The following LAP3 variants were observed in gnomAD, a reference collection of about 807,000 sequenced individuals.
LAP3 encodes the protein cytosol aminopeptidase.
Under a neutral mutation model 58.8 loss-of-function variants are expected in LAP3, and 46 were observed. The observed-to-expected ratio is 0.78, with a 90% CI of 0.62 to 1.00. LAP3 has a LOEUF of 1.00. Among genes scored for constraint, LAP3 ranks in the 50% least tolerant of loss-of-function variants. The pLI, the probability that LAP3 is intolerant of heterozygous loss-of-function variation, is 0.00. For missense variants in LAP3, 615 were observed against 659.1 expected (o/e 0.93, Z 0.73); for synonymous variants, 257 against 237.7 (o/e 1.08, Z -0.75).
At chr4:17,590,558 A>C (rs1404009462) in intron 7 of LAP3, among the ~76,000 whole-genome samples, 1 of 152,100 alleles carries the variant, frequency 6.6e-6, no homozygotes. Context: ...TATTGTACTA[A>C]AGTGTCTATT....
rs12511844 is a variant in LAP3 at position 17,582,412 on chromosome 4, T to A, written c.379+19T>A. On this transcript the variant is annotated intron_variant, in intron 4 of 12. Transcript: ENST00000226299. Reference sequence around the variant, plus strand: ...GTTGCAGGTTATTTCACTTTTTAAGTTTAAAGAATCCTGAGGATCCACTCT... The same window carrying A: ...GTTGCAGGTTATTTCACTTTTTAAGATTAAAGAATCCTGAGGATCCACTCT... The A allele has an allele frequency of 7.7e-3, 12,258 of 1,582,884 alleles. 717 individuals are homozygous for A. In the African/African-American group the frequency reaches 0.14, roughly 18 times the overall value.
chr4:17,585,324 T>TGA, intron 6 of LAP3, 188 bp downstream of exon 6: 1 of 539,156 alleles, frequency 1.9e-6, no homozygotes. Context: ...TCCTTGCCTT[T>TGA]GAGAGAGAGA....
intron 8 of LAP3, among the ~76,000 whole-genome samples, 174 bp downstream of exon 8, chr4:17,595,708 A>AG (rs1169889241): frequency 6.6e-6 from 1 of 152,148 alleles, no homozygotes; most frequent in Non-Finnish European, 1.5e-5. Flanking sequence ...GAGCTGATTG[A>AG]GCTAAATGTA....
At chr4:17,590,340 CCT>C (rs1383759276) in intron 7 of LAP3, among the ~76,000 whole-genome samples, 5 of 152,034 alleles carry the variant, frequency 3.3e-5, no homozygotes, top group Admixed American at 3.3e-4. Flanking sequence ...GTAGGAAGCC[CCT>C]GTCATTGGCA....
chr4:17,583,693 C>A, intron 5 of LAP3, 51 bp downstream of exon 5: 1 of 1,605,808 alleles, frequency 6.2e-7, no homozygotes, highest in South Asian at 1.1e-5. Flanking sequence ...GTTCTGACAG[C>A]CTGGCTTTTG....
In LAP3 at chr4:17,581,825, AACG is replaced by A; in HGVS notation, c.273+12_273+14del. ...TATGGTCTGCATCAGGTATGAGAAG[AACG>A]TGATCATTTGGTAAACCCTCAATGA... On this transcript the variant is annotated intron_variant, in intron 3 of 12. Transcript: ENST00000226299. 6.2e-7 allele frequency: 1 copy of A among 1,610,852 alleles called. No homozygotes were observed. The highest frequency in any genetic ancestry group is 8.5e-7 in the Non-Finnish European group (1 of 1,177,184).
chr4:17,580,833 G>A (rs1713344297), intron 2 of LAP3, among the ~76,000 whole-genome samples: 1 of 152,204 alleles, frequency 6.6e-6, no homozygotes, highest in Non-Finnish European at 1.5e-5. Context: ...GTATTTGGCA[G>A]ACATGGAAGT....
intron 6 of LAP3, chr4:17,587,441 T>G (rs1034859094): frequency 2.0e-5 from 3 of 151,978 alleles, no homozygotes; most frequent in African/African-American, 7.3e-5. Context: ...TTTTTTTTTT[T>G]TTTTGAAGTG....
intron 7 of LAP3, among the ~76,000 whole-genome samples, chr4:17,593,755 G>A (rs1489632284): frequency 6.6e-6 from 1 of 151,828 alleles, no homozygotes; most frequent in Non-Finnish European, 1.5e-5. Flanking sequence ...TGGGACTACA[G>A]ATGCGAACCA....
intron 10 of LAP3, among the ~76,000 whole-genome samples, chr4:17,604,036 G>A (rs951507329): frequency 6.6e-6 from 1 of 151,744 alleles, no homozygotes; most frequent in Non-Finnish European, 1.5e-5. Flanking sequence ...GGCCAGGCTG[G>A]TCTCGAACTC....
chr4:17,607,794 G>T lies in LAP3; in HGVS notation c.*205G>T. On this transcript the variant is annotated 3_prime_UTR_variant, in exon 13 of 13. Coordinates refer to ENST00000226299, the MANE Select transcript of LAP3 (RefSeq NM_015907.3). ...TAAAGTTAATATCTTACTTGATAAGGATTTTTAAGATACTCTATAAATGAT... is the reference window on the plus strand; with the variant it reads ...TAAAGTTAATATCTTACTTGATAAGTATTTTTAAGATACTCTATAAATGAT... The T allele has an allele frequency of 2.2e-6, 1 of 449,448 alleles. No individual in the cohort carries two copies. The highest frequency in any genetic ancestry group is 3.9e-5 in the Admixed American group (1 of 25,554). 27.8% of individuals were successfully genotyped at this position (449,448 alleles called of 1,614,324 possible). A position where few individuals can be genotyped will look rare whatever the true frequency, so the allele number is the denominator to read the frequency against.
At position 17,581,791 on chromosome 4, in the gene LAP3, C is replaced by G. The variant is rs759364280; in HGVS notation, c.250C>G (p.Arg84Gly). 7 of 1,613,808 alleles carry G rather than the reference C, an allele frequency of 4.3e-6. No homozygotes were observed. The highest frequency in any genetic ancestry group is 5.9e-6 in the Non-Finnish European group (7 of 1,179,790). Reference sequence around the variant, plus strand: ...ACCACCTCTGAAGGCAGGGAAGACTCGAACCTTTTATGGTCTGCATCAGGT... The same window carrying G: ...ACCACCTCTGAAGGCAGGGAAGACTGGAACCTTTTATGGTCTGCATCAGGT... The part of the protein sequence containing the change: ...SGPPLKAGKT[R>G]TFYGLHQDFP... Residue 84 changes from arginine (R) to glycine (G), a missense_variant, in exon 3 of 13, where the codon CGA becomes GGA. Arg to Gly is a moderately radical substitution (Grantham distance 125). Transcript: ENST00000226299.
At position 17,595,581 on chromosome 4, in the gene LAP3, C is replaced by T. The variant is rs773644056; in HGVS notation, c.988+47C>T. On this transcript the variant is annotated intron_variant, in intron 8 of 12. Transcript: ENST00000226299. ...ATCTCATAACGCTTCTGGATTCTAG[C>T]CAGGTGGGAGAAGAGAGACAACAGA... 4.4e-5 allele frequency: 70 copies of T among 1,589,560 alleles called. 1 individual carries two copies. The East Asian group carries it at 1.6e-3, about 35-fold the overall frequency.
At position 17,583,603 on chromosome 4, in the gene LAP3, A is replaced by C; in HGVS notation, c.500A>C (p.Gln167Pro). ...CTCTATGAATACGATGACCTAAAGC[A>C]AAAAAAGAAGATGGCTGTGTCGGCA... Reference protein sequence around the residue: ...LGLYEYDDLKQKKKMAVSAKL... With the variant: ...LGLYEYDDLKPKKKMAVSAKL... The change falls in exon 5 of 13, where the codon CAA (glutamine) becomes CCA (proline). Residue 167 changes from glutamine to proline, a missense_variant. By Grantham distance (76) the Gln-to-Pro change is moderately conservative (BLOSUM62 -1). Transcript: ENST00000226299. 1 of 1,614,116 alleles carries C rather than the reference A, an allele frequency of 6.2e-7. No individual in the cohort carries two copies. Among genetic ancestry groups the C allele is most frequent in the East Asian group, 2.2e-5 (1 of 44,874 alleles).
chr4:17,600,941 G>C (rs1713969170), intron 10 of LAP3, among the ~76,000 whole-genome samples: 1 of 152,216 alleles, frequency 6.6e-6, no homozygotes, highest in Non-Finnish European at 1.5e-5. Context: ...AGACAATACA[G>C]GTTGATGTCC....
chr4:17,596,861 G>A (rs1386266039), intron 8 of LAP3, among the ~76,000 whole-genome samples, 185 bp from the exon 9 acceptor site: 4 of 152,200 alleles, frequency 2.6e-5, no homozygotes, highest in Non-Finnish European at 5.9e-5. Context: ...TGCTACATGG[G>A]TGATGTGTAC....
chr4:17,579,985 G>A (rs759849170), intron 2 of LAP3, 46 bp downstream of exon 2: 12 of 1,117,382 alleles, frequency 1.1e-5, no homozygotes, highest in Admixed American at 4.2e-5. Context: ...CCCCCAAATC[G>A]AAACAGTATT....
intron 9 of LAP3, 141 bp downstream of exon 9, chr4:17,597,275 T>C: frequency 2.8e-6 from 2 of 702,674 alleles, no homozygotes; most frequent in South Asian, 1.6e-5. Context: ...GGGTAGCCTT[T>C]CTTTTCCTTC....
At chr4:17,579,301 G>A (rs1241649624) in intron 1 of LAP3, among the ~76,000 whole-genome samples, 2 of 152,194 alleles carry the variant, frequency 1.3e-5, no homozygotes, top group African/African-American at 2.4e-5. Flanking sequence ...AGTTTCTGGT[G>A]ATAAGAATGT....
Sources: gnomAD v4.1 joint callset for allele counts (sites outside exome capture counted in the v4.1 genomes callset) on GRCh38, gnomAD v4.1.1 for gene constraint, MANE v1.5 for transcripts, NCBI Gene and HGNC (gene_info 2026-07-23, HGNC 2026-07-21) for gene names.